The following PTPRN variants were observed in gnomAD, a reference collection of about 807,000 sequenced individuals.
PTPRN encodes receptor-type tyrosine-protein phosphatase-like N.
In PTPRN, 70 loss-of-function variants were observed where a neutral mutation model predicts 108.5. That is an observed-to-expected ratio of 0.65 (90% CI 0.53 to 0.79). The LOEUF is 0.79. Among genes scored for constraint, PTPRN ranks in the 30% least tolerant of loss-of-function variants. The pLI, the probability that PTPRN is intolerant of heterozygous loss-of-function variation, is 0.00. For missense variants in PTPRN, 1,136 were observed against 1,295.5 expected (o/e 0.88, Z 1.89); for synonymous variants, 496 against 524.6 (o/e 0.95, Z 0.75).
chr2:219,307,976 G>T, intron 1 of PTPRN, 134 bp from the exon 2 acceptor site: 1 of 838,442 alleles, frequency 1.2e-6, no homozygotes, highest in Non-Finnish European at 1.9e-6. Flanking sequence ...GCTGGGAGGA[G>T]AGTAGGAATC....
chr2:219,299,211 A>C (rs1357121356), intron 11 of PTPRN, 94 bp downstream of exon 11: 1 of 1,599,804 alleles, frequency 6.3e-7, no homozygotes, highest in East Asian at 2.2e-5. Flanking sequence ...TGGGCTGGGA[A>C]CATTTCAAGG....
chr2:219,309,095 CT>C, intron 1 of PTPRN, 122 bp downstream of exon 1: 1 of 1,507,600 alleles, frequency 6.6e-7, no homozygotes, highest in Non-Finnish European at 9.0e-7. Context: ...TCTCGCATGC[CT>C]CCCCCAACCC....
intron 5 of PTPRN, 41 bp downstream of exon 5, chr2:219,302,535 G>C: frequency 6.2e-7 from 1 of 1,613,228 alleles, no homozygotes; most frequent in Middle Eastern, 1.7e-4. Flanking sequence ...AGTCCGGGCT[G>C]AGGGACTGCG....
chr2:219,294,755 G>A (rs998004085), intron 19 of PTPRN, among the ~76,000 whole-genome samples: 3 of 151,978 alleles, frequency 2.0e-5, no homozygotes, highest in East Asian at 1.9e-4. Flanking sequence ...AGCAGCGGCC[G>A]GCGCGGAGCT....
In PTPRN at chr2:219,291,479, A is replaced by T; in HGVS notation, c.2720T>A (p.Val907Glu). 6.2e-7 allele frequency: 1 copy of T among 1,614,030 alleles called. No individual in the cohort carries two copies. Among genetic ancestry groups the T allele is most frequent in the Non-Finnish European group, 8.5e-7 (1 of 1,179,952 alleles). ...TCTCCTCTCCACCCACCTGCAGTGC[A>T]CGATGATGGGGCAGGAGCGGCCCCG... Reference protein sequence around the residue: ...CYRGRSCPIIVHCSDGAGRTG... With the variant: ...CYRGRSCPIIEHCSDGAGRTG... The change falls in exon 20 of 23, where the codon GTG becomes GAG. Residue 907 changes from valine (V) to glutamate (E), a missense_variant. Transcript: ENST00000295718.
intron 1 of PTPRN, 41 bp from the exon 2 acceptor site, chr2:219,307,883 A>G: frequency 6.3e-7 from 1 of 1,595,162 alleles, no homozygotes; most frequent in South Asian, 1.1e-5. Flanking sequence ...ACACCCACTC[A>G]CAGAGAATGG....
chr2:219,299,308 C>T lies in PTPRN; in HGVS notation c.1600G>A (p.Ala534Thr), dbSNP rs1288112323. 2 of 1,614,114 alleles carry T rather than the reference C, an allele frequency of 1.2e-6. No homozygotes were observed. The highest frequency in any genetic ancestry group is 1.7e-6 in the Non-Finnish European group (2 of 1,179,936). Reference sequence around the variant, plus strand: ...TTGAGGTCGCAGAGATATTTACCTGCTTGTTGGGTCACATCAGCCAAAGAC... The same window carrying T: ...TTGAGGTCGCAGAGATATTTACCTGTTTGTTGGGTCACATCAGCCAAAGAC... ...NLSLADVTQQ[A>T]GLVKSELEAQ... Residue 534 changes from alanine (A) to threonine (T), a missense_variant, in exon 11 of 23, where the codon GCA (alanine) becomes ACA (threonine). Transcript: ENST00000295718.
intron 12 of PTPRN, among the ~76,000 whole-genome samples, chr2:219,298,474 G>C (rs780046379): frequency 9.2e-5 from 14 of 152,144 alleles, no homozygotes; most frequent in Admixed American, 3.3e-4. Flanking sequence ...GGGGCCAAAG[G>C]TTGGCGGATC....
chr2:219,302,928 G>A, intron 4 of PTPRN, 91 bp from the exon 5 acceptor site: 1 of 1,481,536 alleles, frequency 6.7e-7, no homozygotes, highest in Non-Finnish European at 9.2e-7. Flanking sequence ...GGCAGGCTCA[G>A]CGGTTAAGAG....
rs747547938 is a variant in PTPRN at position 219,301,675 on chromosome 2, C to A, written c.1039G>T (p.Val347Leu). ...TCAGGGGTCAGCTGACGCAGCTCTA[C>A]CCCATAGCCCGCCAGCACAGCGGCC... ...RLAAVLAGYG[V>L]ELRQLTPEQL... The change falls in exon 7 of 23, where the codon GTA (valine) becomes TTA (leucine). Residue 347 changes from valine (V) to leucine (L), a missense_variant. Val to Leu is a conservative substitution (Grantham distance 32). Transcript: ENST00000295718. 3 of 1,613,104 alleles carry A rather than the reference C, an allele frequency of 1.9e-6. No homozygotes were observed. Among genetic ancestry groups the A allele is most frequent in the Non-Finnish European group, 1.7e-6 (2 of 1,179,252 alleles).
rs1283183880 is a variant in PTPRN, at chr2:219,302,149, C to G, written c.982G>C (p.Ala328Pro). The G allele has an allele frequency of 3.2e-6, 5 of 1,585,672 alleles. No homozygotes were observed. Among genetic ancestry groups the G allele is most frequent in the Non-Finnish European group, 4.3e-6 (5 of 1,161,798 alleles). Residue 328 changes from alanine (A) to proline (P), a missense_variant, in exon 6 of 23, where the codon GCT (alanine) becomes CCT (proline). By Grantham distance (27) the Ala-to-Pro change is conservative. Coordinates refer to ENST00000295718, the MANE Select transcript of PTPRN (RefSeq NM_002846.4). ...AGGACCTTGTTACCTGGCTGCACAG[C>G]TGGGGAAGCAGGCTTCTCTCCACGA... ...GDRGEKPASP[A>P]VQPDAALQRL...
At chr2:219,301,991 T>C (rs1952360100) in intron 6 of PTPRN, 146 bp downstream of exon 6, 9 of 859,464 alleles carry the variant, frequency 1.0e-5, no homozygotes, top group African/African-American at 1.7e-5. Context: ...GTGCCTGGCA[T>C]AGAACAGCTT....
At chr2:219,302,990 T>C (rs1360410401) in intron 4 of PTPRN, among the ~76,000 whole-genome samples, 153 bp from the exon 5 acceptor site, 4 of 146,476 alleles carry the variant, frequency 2.7e-5, no homozygotes, top group Non-Finnish European at 4.5e-5. Flanking sequence ...AGAGATGGGC[T>C]GGGTGGGAAT....
chr2:219,299,730 T>G lies in PTPRN; in HGVS notation c.1493A>C (p.His498Pro), dbSNP rs934828455. 2.5e-6 allele frequency: 4 copies of G among 1,609,228 alleles called. No homozygotes were observed. The highest frequency in any genetic ancestry group is 3.4e-6 in the Non-Finnish European group (4 of 1,176,178). ...GTTGATGAAGCTGCCTGAGGACATG[T>G]GCACATGCTCAGCCAGGATCTCCAG... is the stretch of plus-strand genomic sequence containing the variant. Reference protein sequence around the residue: ...KLLEILAEHVHMSSGSFINIS... With the variant: ...KLLEILAEHVPMSSGSFINIS... The change falls in exon 10 of 23, where the codon CAC (histidine) becomes CCC (proline). Residue 498 changes from histidine to proline, a missense_variant. His to Pro is a moderately conservative substitution (Grantham distance 77). Coordinates refer to ENST00000295718, the MANE Select transcript of PTPRN (RefSeq NM_002846.4).
In PTPRN at chr2:219,299,083, C is replaced by T. The variant is rs1372962902; in HGVS notation, c.1632G>A (p.Gln544=). 6 of 1,614,250 alleles carry T rather than the reference C, an allele frequency of 3.7e-6. No homozygotes were observed. The highest frequency in any genetic ancestry group is 4.2e-6 in the Non-Finnish European group (5 of 1,180,046). ...AGLVKSELEA[Q]TGLQILQTGV... is the part of the protein sequence containing the mutation. ...CTGTCTGCAAGATTTGGAGCCCTGT[C>T]TGTGCTTCCAGTTCAGACTTCACCA... The change falls in exon 12 of 23, where the codon CAG becomes CAA. Residue 544 remains glutamine (Q), a synonymous_variant. Coordinates refer to ENST00000295718, the MANE Select transcript of PTPRN (RefSeq NM_002846.4).
chr2:219,296,003 C>CACACAT lies in PTPRN; in HGVS notation c.2508+222_2508+223insATGTGT. ...ACACACACACACACACACACACACA[C>CACACAT]ATGTATGTTCTGTAAACAGGACACA... On this transcript the variant is annotated intron_variant, in intron 18 of 22. Coordinates refer to ENST00000295718, the MANE Select transcript of PTPRN (RefSeq NM_002846.4). This position sits in a 1 kb window ranked among gnomAD's most constrained non-coding sequence, Gnocchi z 6.0. 1.7e-6 allele frequency: 1 copy of CACACAT among 578,108 alleles called. No individual in the cohort carries two copies. The highest frequency in any genetic ancestry group is 2.9e-6 in the Non-Finnish European group (1 of 343,298). The allele number at this position is 578,108 out of a possible 1,614,324, so 35.8% of individuals were successfully genotyped here.
At position 219,300,102 on chromosome 2, in the gene PTPRN, A is replaced by C; in HGVS notation, c.1319T>G (p.Val440Gly). ...TTTCTTCTCTAGCAGGACAGGTGTC[A>C]CAGGGGGTCTGGCAGCTTTGGGAGG... is the stretch of plus-strand genomic sequence containing the variant. ...SEPPKAARPPVTPVLLEKKSP... is the reference protein window; with the variant it reads ...SEPPKAARPPGTPVLLEKKSP... The change falls in exon 9 of 23, where the codon GTG (valine) becomes GGG (glycine). Residue 440 changes from valine (V) to glycine (G), a missense_variant. Physicochemically the swap from Val to Gly is moderately radical, Grantham distance 109. Coordinates refer to ENST00000295718, the MANE Select transcript of PTPRN (RefSeq NM_002846.4). The C allele has an allele frequency of 1.2e-6, 2 of 1,614,116 alleles. No individual in the cohort carries two copies. The highest frequency in any genetic ancestry group is 1.7e-6 in the Non-Finnish European group (2 of 1,179,986).
At chr2:219,294,280 G>A in intron 19 of PTPRN, 1 of 423,588 alleles carries the variant, frequency 2.4e-6, no homozygotes, top group Non-Finnish European at 4.9e-6. Flanking sequence ...AGGGAGAGAC[G>A]GACAGAGCAG....
intron 3 of PTPRN, 148 bp from the exon 4 acceptor site, chr2:219,303,979 T>G (rs1952421602): frequency 1.5e-5 from 8 of 549,494 alleles, no homozygotes; most frequent in Non-Finnish European, 2.5e-5. Context: ...ATCTGAGCTG[T>G]CTTCTTCCCA....
Sources: gnomAD v4.1 joint callset for allele counts (sites outside exome capture counted in the v4.1 genomes callset) on GRCh38, gnomAD v4.1.1 for gene constraint, Gnocchi (gnomAD v3.1) non-coding constraint, MANE v1.5 for transcripts, NCBI Gene and HGNC (gene_info 2026-07-23, HGNC 2026-07-21) for gene names.